OGT: variants seen among roughly 807,000 people sequenced by gnomAD.
The protein encoded by OGT is O-linked N-acetylglucosamine (GlcNAc) transferase.
A neutral mutation model predicts 75.8 loss-of-function variants in OGT; 3 were observed. That is an observed-to-expected ratio of 0.04 (90% confidence interval 0.02 to 0.10). The LOEUF (loss-of-function observed/expected upper bound fraction) is 0.10. Among genes scored for constraint, OGT ranks in the 10% least tolerant of loss-of-function variants. The probability of loss-of-function intolerance (pLI) is 1.00; values close to 1 mark genes in which losing one functional copy is unlikely to be tolerated. For synonymous variants in OGT, 257 were observed against 289.7 expected (o/e 0.89, Z 1.15); for missense variants, 260 against 824.4 (o/e 0.32, Z 8.38).
intron 19 of OGT, 74 bp downstream of exon 19, chrX:71,564,827 C>A: frequency 1.2e-6 from 1 of 867,514 alleles, no homozygotes; most frequent in Non-Finnish European, 1.6e-6. Context: ...GGTCCTTCCA[C>A]TCCCATTTAG....
chrX:71,546,572 A>C, intron 4 of OGT: 1 of 752,362 alleles, frequency 1.3e-6, no homozygotes, highest in African/African-American at 2.3e-5. Context: ...AACAGCTTAA[A>C]ATAATTTTAT....
In OGT at chrX:71,538,036, A is replaced by G. The variant is rs2040191914; in HGVS notation, c.426A>G (p.Ala142=). 8.3e-7 allele frequency: 1 copy of G among 1,210,188 alleles called. No individual in the cohort carries two copies. The highest frequency in any genetic ancestry group is 1.1e-6 in the Non-Finnish European group (1 of 895,140). Residue 142 remains alanine (A), a synonymous_variant, in exon 3 of 22, where the codon GCA becomes GCG. Transcript: ENST00000373719. ...TAGCAGCGGGTGACATGGAAGGGGC[A>G]GTACAAGCTTACGTCTCTGCTCTTC... ...ALVAAGDMEG[A]VQAYVSALQY... is the part of the protein sequence containing the mutation.
chrX:71,553,937 G>A (rs768286055), intron 5 of OGT, among the ~76,000 whole-genome samples: 1 of 111,552 alleles, frequency 9.0e-6, no homozygotes, highest in Admixed American at 9.5e-5. Flanking sequence ...ATAGAGCCTC[G>A]GTACCTTTTC....
chrX:71,557,350 T>C, intron 11 of OGT, 54 bp downstream of exon 11: 1 of 1,074,147 alleles, frequency 9.3e-7, no homozygotes, highest in African/African-American at 1.8e-5. Context: ...GCTTTTTAAT[T>C]GTTGTATGCC....
rs1295562017 is a variant in OGT, at chrX:71,571,771, CT to C, written c.2967-1839del. 6.0e-3 allele frequency among the ~76,000 whole-genome samples: 630 copies of C among 105,383 alleles called. 4 individuals carry two copies. Among genetic ancestry groups the C allele is most frequent in the African/African-American group, 0.021 (611 of 29,014 alleles). The allele number at this position is 105,383 out of a possible 115,157, so 91.5% of individuals were successfully genotyped here. A position where few individuals can be genotyped will look rare whatever the true frequency, so the allele number is the denominator to read the frequency against. On this transcript the variant is annotated intron_variant, in intron 21 of 21. Coordinates refer to ENST00000373719, the MANE Select transcript of OGT (RefSeq NM_181672.3). Reference sequence around the variant, plus strand: ...ATTCAGTGAGTTTTGAGAAATAACCCTTTTTTTTTTCGTTTTGAAACGGAGT... The same window carrying C: ...ATTCAGTGAGTTTTGAGAAATAACCCTTTTTTTTTCGTTTTGAAACGGAGT...
At chrX:71,565,623 A>G (rs1017804983) in intron 19 of OGT, among the ~76,000 whole-genome samples, 2 of 111,986 alleles carry the variant, frequency 1.8e-5, no homozygotes, top group African/African-American at 6.5e-5. Flanking sequence ...AACCTTTTAA[A>G]TTTACATATT....
chrX:71,559,209 T>A, intron 12 of OGT, 58 bp from the exon 13 acceptor site: 2 of 1,121,984 alleles, frequency 1.8e-6, no homozygotes, highest in Non-Finnish European at 2.4e-6. Flanking sequence ...TTTTCGTCAG[T>A]TTTCCTAGAT....
chrX:71,544,472 A>G (rs1025759258), intron 3 of OGT, 95 bp from the exon 4 acceptor site: 1 of 795,744 alleles, frequency 1.3e-6, no homozygotes, highest in East Asian at 3.5e-5. Flanking sequence ...TTGATAGAAT[A>G]AAATGGCAGG....
chrX:71,555,427 A>G, intron 7 of OGT, 42 bp downstream of exon 7: 1 of 1,133,635 alleles, frequency 8.8e-7, no homozygotes. Flanking sequence ...TGGTAGGATT[A>G]AGAGTCTTTT....
chrX:71,537,755 T>G, intron 2 of OGT, 74 bp from the exon 3 acceptor site: 1 of 1,125,410 alleles, frequency 8.9e-7, no homozygotes, highest in Non-Finnish European at 1.2e-6. Context: ...TCAAACTGTT[T>G]GAGTTGCATA....
At chrX:71,561,686 A>G (rs2040385754) in intron 14 of OGT, 89 bp from the exon 15 acceptor site, 2 of 762,368 alleles carry the variant, frequency 2.6e-6, no homozygotes, top group East Asian at 3.8e-5. Context: ...GTTAAATGCC[A>G]TTAAAACTAA....
At chrX:71,555,559 A>G (rs1425597585) in intron 7 of OGT, among the ~76,000 whole-genome samples, 174 bp downstream of exon 7, 1 of 111,658 alleles carries the variant, frequency 9.0e-6, no homozygotes, top group African/African-American at 3.3e-5. Flanking sequence ...CTGTCTCTAC[A>G]AGAAATACAA....
intron 5 of OGT, among the ~76,000 whole-genome samples, chrX:71,554,102 T>C (rs1209091984): frequency 1.8e-5 from 2 of 112,184 alleles, no homozygotes; most frequent in Non-Finnish European, 3.8e-5. Context: ...TAATAAGGTC[T>C]TGCTGAGCAT....
At chrX:71,564,517 G>A in intron 18 of OGT, 84 bp from the exon 19 acceptor site, 2 of 762,299 alleles carry the variant, frequency 2.6e-6, no homozygotes, top group Non-Finnish European at 3.9e-6. Flanking sequence ...GACTTTTAAT[G>A]GTTATACCAT....
chrX:71,542,853 T>C (rs1418027689), intron 3 of OGT, among the ~76,000 whole-genome samples: 1 of 112,385 alleles, frequency 8.9e-6, no homozygotes, highest in Non-Finnish European at 1.9e-5. Flanking sequence ...TCTGAGAGTA[T>C]AGTGTTAAAA....
chrX:71,554,660 C>A, intron 6 of OGT, 68 bp downstream of exon 6: 1 of 860,122 alleles, frequency 1.2e-6, no homozygotes, highest in Non-Finnish European at 1.7e-6. Flanking sequence ...CAGTTTGGAC[C>A]GAAATGATGA....
intron 3 of OGT, 53 bp downstream of exon 3, chrX:71,538,125 A>G: frequency 8.6e-7 from 1 of 1,157,590 alleles, no homozygotes; most frequent in Non-Finnish European, 1.2e-6. Flanking sequence ...AGAAAGAAAC[A>G]TAGTGTGATA....
At chrX:71,569,406 C>A (rs2040438698) in intron 21 of OGT, among the ~76,000 whole-genome samples, 1 of 112,346 alleles carries the variant, frequency 8.9e-6, no homozygotes, top group African/African-American at 3.2e-5. Context: ...CAAAGCATAA[C>A]TTAAATGCCT....
intron 5 of OGT, among the ~76,000 whole-genome samples, chrX:71,550,480 C>T (rs976680757): frequency 2.7e-5 from 3 of 111,304 alleles, no homozygotes; most frequent in Non-Finnish European, 5.7e-5. Flanking sequence ...AACTCCTGGG[C>T]TCAAGTGATC....
Sources: gnomAD v4.1 joint callset for allele counts (sites outside exome capture counted in the v4.1 genomes callset) on GRCh38, gnomAD v4.1.1 for gene constraint, MANE v1.5 for transcripts, NCBI Gene and HGNC (gene_info 2026-07-23, HGNC 2026-07-21) for gene names.